Variants in KCTD8 observed in about 807,000 individuals in gnomAD.
The protein encoded by KCTD8 is potassium channel tetramerization domain containing 8.
KCTD8 carries 27 observed loss-of-function variants against 31.5 expected under a neutral mutation model. The observed-to-expected ratio is 0.86, with a 90% CI of 0.63 to 1.18. The LOEUF is 1.18. Among genes scored for constraint, KCTD8 ranks in the 50% most tolerant of loss-of-function variants. The pLI is 0.00. For synonymous variants in KCTD8, 290 were observed against 280.0 expected, an observed-to-expected ratio of 1.04 and a Z score of -0.36; for missense variants, 658 against 647.7, an observed-to-expected ratio of 1.02 and a Z score of -0.17.
chr4:44,208,093 T>A (rs896490309), intron 1 of KCTD8, among the ~76,000 whole-genome samples: 1 of 152,168 alleles, frequency 6.6e-6, no homozygotes, highest in African/African-American at 2.4e-5. Flanking sequence ...CCACCACAGT[T>A]TTCCTCTTTG....
chr4:44,283,157 C>A (rs993044297), intron 1 of KCTD8, among the ~76,000 whole-genome samples: 1 of 151,746 alleles, frequency 6.6e-6, no homozygotes, highest in Non-Finnish European at 1.5e-5. Flanking sequence ...CCAAGATATT[C>A]TCCCGCTTCA....
intron 1 of KCTD8, among the ~76,000 whole-genome samples, chr4:44,362,312 T>C (rs947367637): frequency 1.8e-4 from 27 of 152,312 alleles, no homozygotes; most frequent in Admixed American, 1.4e-3. Context: ...AAAGAGAATA[T>C]GCATTATTTT....
At chr4:44,338,592 C>A (rs992311241) in intron 1 of KCTD8, among the ~76,000 whole-genome samples, 1 of 152,092 alleles carries the variant, frequency 6.6e-6, no homozygotes, top group African/African-American at 2.4e-5. Flanking sequence ...AAAACAGATA[C>A]GTATGGATGT....
Position 44,217,026 on chromosome 4 carries a change from A to G in KCTD8, c.962-41776T>C, listed in dbSNP as rs188708942. Among the ~76,000 whole-genome samples the G allele has an allele frequency of 1.7e-3, 264 of 151,626 alleles. 1 individual carries two copies. Among genetic ancestry groups the G allele is most frequent in the African/African-American group, 6.1e-3 (254 of 41,524 alleles). On this transcript the variant is annotated intron_variant, in intron 1 of 1. Transcript: ENST00000360029. The stretch of plus-strand genomic sequence containing the variant: ...TTCTCATACCAGGTAGCAATGAACA[A>G]TTTTTTTAAAAACCTAACCTTTAGA...
chr4:44,296,307 A>C (rs745442181), intron 1 of KCTD8, among the ~76,000 whole-genome samples: 4 of 151,382 alleles, frequency 2.6e-5, no homozygotes, highest in Non-Finnish European at 4.4e-5. Flanking sequence ...TCTAGCCAAA[A>C]TAGCCAATAT....
At chr4:44,306,692 G>C (rs1046261506) in intron 1 of KCTD8, among the ~76,000 whole-genome samples, 2 of 151,784 alleles carry the variant, frequency 1.3e-5, no homozygotes, top group African/African-American at 4.8e-5. Context: ...TCTCAGTCCT[G>C]AACATGTTCT....
chr4:44,401,011 C>T (rs116882577), intron 1 of KCTD8, among the ~76,000 whole-genome samples: 8 of 95,902 alleles, frequency 8.3e-5, no homozygotes, highest in South Asian at 4.2e-4. Context: ...AATTTTCTTT[C>T]TTTTTTTTTT....
chr4:44,416,705 T>C (rs1198385195), intron 1 of KCTD8, among the ~76,000 whole-genome samples: 1 of 152,202 alleles, frequency 6.6e-6, no homozygotes. Context: ...CTGCCATGAT[T>C]GGAAGCTTTC....
chr4:44,347,840 A>G (rs988650438), intron 1 of KCTD8, among the ~76,000 whole-genome samples: 14 of 152,190 alleles, frequency 9.2e-5, no homozygotes, highest in Admixed American at 7.9e-4. Flanking sequence ...AGGCAGCCAC[A>G]TGTTTCTCCT....
intron 1 of KCTD8, among the ~76,000 whole-genome samples, chr4:44,442,924 G>A (rs1234665316): frequency 2.0e-5 from 3 of 152,070 alleles, no homozygotes; most frequent in Non-Finnish European, 4.4e-5. Context: ...GAAAAAGGTG[G>A]CAGGGAAAGC....
chr4:44,377,287 A>G (rs142866811), intron 1 of KCTD8, among the ~76,000 whole-genome samples: 52 of 152,202 alleles, frequency 3.4e-4, no homozygotes, highest in African/African-American at 1.2e-3. Context: ...TCCCTCACAC[A>G]TGTTTGGACA....
chr4:44,206,720 G>T (rs577806099), intron 1 of KCTD8, among the ~76,000 whole-genome samples: 1 of 152,144 alleles, frequency 6.6e-6, no homozygotes, highest in African/African-American at 2.4e-5. Context: ...TGGAACAGTT[G>T]CTACGAGCTC....
At chr4:44,369,422 T>C (rs1250898244) in intron 1 of KCTD8, among the ~76,000 whole-genome samples, 1 of 152,194 alleles carries the variant, frequency 6.6e-6, no homozygotes. Flanking sequence ...ATTCACACAT[T>C]TTATATGAAG....
intron 1 of KCTD8, among the ~76,000 whole-genome samples, chr4:44,315,649 C>T (rs1718085410): frequency 2.6e-5 from 4 of 151,544 alleles, no homozygotes; most frequent in African/African-American, 7.3e-5. Context: ...AGTAAATATA[C>T]ATAATGATAT....
intron 1 of KCTD8, among the ~76,000 whole-genome samples, chr4:44,234,731 CT>C (rs1382117820): frequency 1.3e-5 from 2 of 152,170 alleles, no homozygotes; most frequent in African/African-American, 4.8e-5. Flanking sequence ...AAGCCAGGCC[CT>C]TCTAGGAAAC....
At chr4:44,215,741 A>C (rs1378500776) in intron 1 of KCTD8, among the ~76,000 whole-genome samples, 2 of 152,222 alleles carry the variant, frequency 1.3e-5, no homozygotes, top group Non-Finnish European at 2.9e-5. Flanking sequence ...CCAAAACTAC[A>C]TAATACAAAA....
chr4:44,199,367 A>C (rs1714061018), intron 1 of KCTD8, among the ~76,000 whole-genome samples: 1 of 152,102 alleles, frequency 6.6e-6, no homozygotes, highest in Non-Finnish European at 1.5e-5. Flanking sequence ...TCTCATGTAC[A>C]CTTAGAACGT....
rs371434545 is a variant in KCTD8, at chr4:44,174,587, T to C, written c.*203A>G. ...ATATTCCATTTTGATTTAACACTTA[T>C]TGATTTAATATTTTTTCCTTTTTAA... On this transcript the variant is annotated 3_prime_UTR_variant, in exon 2 of 2. Coordinates refer to ENST00000360029, the MANE Select transcript of KCTD8 (RefSeq NM_198353.3). 87 of 468,096 alleles carry C rather than the reference T, an allele frequency of 1.9e-4. No individual in the cohort carries two copies. The East Asian group carries it at 2.2e-3, about 12-fold the overall frequency. The allele number at this position is 468,096 out of a possible 1,614,324, so 29.0% of individuals were successfully genotyped here.
At chr4:44,305,687 T>C (rs1577605578) in intron 1 of KCTD8, among the ~76,000 whole-genome samples, 1 of 152,010 alleles carries the variant, frequency 6.6e-6, no homozygotes, top group Middle Eastern at 3.5e-3. Flanking sequence ...TACAGAAAAC[T>C]TGAGGAACAC....
Sources: allele counts gnomAD v4.1 joint callset (sites outside exome capture counted in the v4.1 genomes callset), GRCh38; gene constraint gnomAD v4.1.1; transcripts MANE v1.5; gene names NCBI Gene and HGNC (gene_info 2026-07-23, HGNC 2026-07-21).